The following CEP170B variants were observed in gnomAD, a reference collection of about 807,000 sequenced individuals.
CEP170B encodes centrosomal protein 170B.
CEP170B carries 55 observed loss-of-function variants against 120.6 expected under a neutral mutation model. The ratio of observed to expected loss-of-function variants is 0.46; its 90% CI spans 0.37 to 0.57. The LOEUF is 0.57. Ranked by LOEUF, CEP170B falls within the 20% of genes least tolerant of loss-of-function variation. The pLI is 0.00. For missense variants in CEP170B, 2,212 were observed against 2,253.3 expected, an observed-to-expected ratio of 0.98 and a Z score of 0.37; for synonymous variants, 1,033 against 954.5, an observed-to-expected ratio of 1.08 and a Z score of -1.52.
At position 104,865,852 on chromosome 14, in the gene CEP170B, C is replaced by T. The variant is rs1209488464; in HGVS notation, c.-28+339C>T. On this transcript the variant is annotated intron_variant, in intron 1 of 18. Transcript: ENST00000414716. The surrounding 1 kb of genome is among the most constrained non-coding windows in gnomAD (Gnocchi z 6.7). ...CGCTCCCTCCCCCGCCGGGCCCGGC[C>T]GCCTCCCTCCTGGCCTGGTCTCTCC... 6.6e-6 allele frequency among the ~76,000 whole-genome samples: 1 copy of T among 152,210 alleles called. No homozygotes were observed. The highest frequency in any genetic ancestry group is 1.5e-5 in the Non-Finnish European group (1 of 67,968).
Position 104,868,921 on chromosome 14 carries a change from G to T in CEP170B, c.105+366G>T, listed in dbSNP as rs952780895. Among the ~76,000 whole-genome samples, 2 of 152,156 alleles carry T rather than the reference G, an allele frequency of 1.3e-5. No individual in the cohort carries two copies. Among genetic ancestry groups the T allele is most frequent in the African/African-American group, 4.8e-5 (2 of 41,426 alleles). On this transcript the variant is annotated intron_variant, in intron 2 of 18. Coordinates refer to ENST00000414716, the MANE Select transcript of CEP170B (RefSeq NM_001112726.3). This position sits in a 1 kb window ranked among gnomAD's most constrained non-coding sequence, Gnocchi z 5.9. ...GGGCTTTGGAAGGTCCTGGAAAGCCGGTCTGTCCATATTCTTGTTGTCTGG... is the reference window on the plus strand; with the variant it reads ...GGGCTTTGGAAGGTCCTGGAAAGCCTGTCTGTCCATATTCTTGTTGTCTGG...
At chr14:104,894,038 G>A (rs1595363220) in intron 16 of CEP170B, 189 bp downstream of exon 16, 16 of 673,712 alleles carry the variant, frequency 2.4e-5, no homozygotes, top group East Asian at 1.9e-4. Flanking sequence ...AGGAGCCAGC[G>A]CCTCCAGGGC....
In CEP170B at chr14:104,876,363, T is replaced by C. The variant is rs1350526320; in HGVS notation, c.195+18T>C. 6.5e-7 allele frequency: 1 copy of C among 1,549,816 alleles called. No homozygotes were observed. Among genetic ancestry groups the C allele is most frequent in the Non-Finnish European group, 8.7e-7 (1 of 1,146,056 alleles). ...TCAATGGGGTAAGTGTGAGAGGCCCTGGCCTGGCCTTTTAACAGCTCGACC... is the reference window on the plus strand; with the variant it reads ...TCAATGGGGTAAGTGTGAGAGGCCCCGGCCTGGCCTTTTAACAGCTCGACC... On this transcript the variant is annotated intron_variant, in intron 3 of 18. Transcript: ENST00000414716.
At chr14:104,872,479 G>GCGTGTGTGCCGTTTGTGTGC (rs1895619306) in intron 2 of CEP170B, among the ~76,000 whole-genome samples, 1 of 95,966 alleles carries the variant, frequency 1.0e-5, no homozygotes, top group Admixed American at 1.0e-4. Context: ...CCGTGTGTGT[G>GCGTGTGTGCCGTTTGTGTGC]CGTGTGTGCC....
chr14:104,881,073 A>G (rs1004404005), intron 6 of CEP170B, among the ~76,000 whole-genome samples: 6 of 152,178 alleles, frequency 3.9e-5, no homozygotes, highest in Non-Finnish European at 5.9e-5. Context: ...GCTCCCTAGT[A>G]TCAGGCATTT....
At chr14:104,892,928 C>T in intron 13 of CEP170B, 48 bp from the exon 14 acceptor site, 2 of 1,546,364 alleles carry the variant, frequency 1.3e-6, no homozygotes, top group Non-Finnish European at 1.7e-6. Flanking sequence ...GCCCCTGCTG[C>T]CCCGACTTCC....
chr14:104,866,932 A>G (rs961192438), intron 1 of CEP170B, among the ~76,000 whole-genome samples: 12 of 151,854 alleles, frequency 7.9e-5, no homozygotes, highest in Admixed American at 7.9e-4. Flanking sequence ...GTCCTGGGTT[A>G]TTGTCCTCAC....
rs1379658956 is a variant in CEP170B at position 104,894,821 on chromosome 14, A to C, written c.4528A>C (p.Ser1510Arg). Residue 1510 changes from serine (S) to arginine (R), a missense_variant, in exon 19 of 19, where the codon AGC becomes CGC. Coordinates refer to ENST00000414716, the MANE Select transcript of CEP170B (RefSeq NM_001112726.3). Reference sequence around the variant, plus strand: ...GGGGAAGGGCCGCGTGGCTGCCCAGAGCCCACCCTCACCCGCCTCAGCCGA... The same window carrying C: ...GGGGAAGGGCCGCGTGGCTGCCCAGCGCCCACCCTCACCCGCCTCAGCCGA... The part of the protein sequence containing the change: ...GLGKGRVAAQ[S>R]PPSPASAEAL... The C allele has an allele frequency of 1.2e-6, 2 of 1,608,306 alleles. No homozygotes were observed. The highest frequency in any genetic ancestry group is 1.7e-6 in the Non-Finnish European group (2 of 1,178,630).
At chr14:104,878,538 G>A in intron 5 of CEP170B, 37 bp downstream of exon 5, 1 of 1,597,266 alleles carries the variant, frequency 6.3e-7, no homozygotes, top group Non-Finnish European at 8.5e-7. Context: ...TCAGCCACGA[G>A]GGCTCAGCCC....
chr14:104,880,151 G>C, intron 5 of CEP170B, 136 bp from the exon 6 acceptor site: 1 of 1,227,404 alleles, frequency 8.1e-7, no homozygotes, highest in South Asian at 1.5e-5. Flanking sequence ...CTGCTCTTTT[G>C]GGGAGCATTA....
chr14:104,880,496 C>G, intron 6 of CEP170B, 71 bp downstream of exon 6: 1 of 1,567,750 alleles, frequency 6.4e-7, no homozygotes, highest in Non-Finnish European at 8.6e-7. Context: ...GCACCTGCCT[C>G]TCTGCACCCC....
intron 12 of CEP170B, among the ~76,000 whole-genome samples, chr14:104,888,733 A>C (rs990871721): frequency 6.6e-6 from 1 of 152,180 alleles, no homozygotes; most frequent in African/African-American, 2.4e-5. Context: ...CTACCCACCC[A>C]CGATCCCAGT....
At chr14:104,878,005 A>G in intron 4 of CEP170B, 42 bp downstream of exon 4, 1 of 1,507,104 alleles carries the variant, frequency 6.6e-7, no homozygotes. Context: ...GCTTCTTCTC[A>G]GTCCCCAGGA....
At position 104,880,314 on chromosome 14, in the gene CEP170B, G is replaced by A. The variant is rs1896078056; in HGVS notation, c.361G>A (p.Val121Met). The change falls in exon 6 of 19, where the codon GTG becomes ATG. Residue 121 changes from valine (V) to methionine (M), a missense_variant. Val to Met is a conservative substitution (Grantham distance 21). Around this residue, in one of 2 missense-constraint regions of CEP170B, gnomAD observed 2,166 missense variants for 2,166.7 expected, o/e 1.00. Coordinates refer to ENST00000414716, the MANE Select transcript of CEP170B (RefSeq NM_001112726.3). ...KHEKYTSQLQ[V>M]SVKGLAPKRS... Reference sequence around the variant, plus strand: ...TGAAAAGTACACCAGCCAGCTGCAGGTGAGCGTGAAGGGTTTGGCGCCCAA... The same window carrying A: ...TGAAAAGTACACCAGCCAGCTGCAGATGAGCGTGAAGGGTTTGGCGCCCAA... 1 of 1,608,172 alleles carries A rather than the reference G, an allele frequency of 6.2e-7. No homozygotes were observed. Among genetic ancestry groups the A allele is most frequent in the Non-Finnish European group, 8.5e-7 (1 of 1,177,770 alleles).
chr14:104,887,321 C>T lies in CEP170B; in HGVS notation c.3082C>T (p.Arg1028Cys), dbSNP rs780802286. ...CATGGGCCGTGGAGAGCCGGTACGG[C>T]GCTCAGCCATAAGGCGTGGCCACAG... ...TDMGRGEPVRRSAIRRGHRPR... is the reference protein window; with the variant it reads ...TDMGRGEPVRCSAIRRGHRPR... Residue 1028 changes from arginine (R) to cysteine (C), a missense_variant, in exon 12 of 19, where the codon CGC becomes TGC. This residue lies in a region of CEP170B where 2,166 missense variants were observed against 2,166.7 expected (regional missense o/e 1.00). Transcript: ENST00000414716. 25 of 1,610,554 alleles carry T rather than the reference C, an allele frequency of 1.6e-5. No individual in the cohort carries two copies. Among genetic ancestry groups the T allele is most frequent in the South Asian group, 5.5e-5 (5 of 90,878 alleles).
At position 104,865,924 on chromosome 14, in the gene CEP170B, A is replaced by C. The variant is rs1227442590; in HGVS notation, c.-28+411A>C. ...CTTCCTCCTCCTCCCCTCTCTCCTC[A>C]TTTCCCTTCGCCGCCGTCTCCCCGC... On this transcript the variant is annotated intron_variant, in intron 1 of 18. Transcript: ENST00000414716. This position sits in a 1 kb window ranked among gnomAD's most constrained non-coding sequence, Gnocchi z 6.7. 6.7e-6 allele frequency among the ~76,000 whole-genome samples: 1 copy of C among 148,206 alleles called. No individual in the cohort carries two copies. The highest frequency in any genetic ancestry group is 1.5e-5 in the Non-Finnish European group (1 of 66,752).
intron 2 of CEP170B, among the ~76,000 whole-genome samples, chr14:104,874,132 G>T (rs1027731513): frequency 6.6e-6 from 1 of 152,152 alleles, no homozygotes; most frequent in Non-Finnish European, 1.5e-5. Flanking sequence ...TGGGGAGGGG[G>T]TCTCAGGACG....
intron 6 of CEP170B, among the ~76,000 whole-genome samples, chr14:104,880,706 C>T (rs1465983236): frequency 2.6e-5 from 4 of 151,616 alleles, no homozygotes; most frequent in African/African-American, 4.9e-5. Context: ...CCTGCATCTT[C>T]GTTATACACA....
rs986250945 is a variant in CEP170B, at chr14:104,865,798, C to A, written c.-28+285C>A. ...CCCGGCACCGGCTCGGCCATGGCCG[C>A]CCCCGGAGAGCGCTGATTCAGAAGG... On this transcript the variant is annotated intron_variant, in intron 1 of 18. Coordinates refer to ENST00000414716, the MANE Select transcript of CEP170B (RefSeq NM_001112726.3). This position sits in a 1 kb window ranked among gnomAD's most constrained non-coding sequence, Gnocchi z 6.7. Among the ~76,000 whole-genome samples, 1 of 152,090 alleles carries A rather than the reference C, an allele frequency of 6.6e-6. No homozygotes were observed. Among genetic ancestry groups the A allele is most frequent in the Non-Finnish European group, 1.5e-5 (1 of 67,976 alleles).
Sources: gnomAD v4.1 joint callset for allele counts (sites outside exome capture counted in the v4.1 genomes callset) on GRCh38, gnomAD v4.1.1 for gene constraint, gnomAD v4.1.1 regional missense constraint, Gnocchi (gnomAD v3.1) non-coding constraint, MANE v1.5 for transcripts, NCBI Gene and HGNC (gene_info 2026-07-23, HGNC 2026-07-21) for gene names.